Variants in ATP8A2 observed in about 807,000 individuals in gnomAD.
The protein encoded by ATP8A2 is ATPase phospholipid transporting 8A2.
A neutral mutation model predicts 165.6 loss-of-function variants in ATP8A2; 100 were observed. The ratio of observed to expected loss-of-function variants is 0.60; its 90% CI spans 0.51 to 0.71. The LOEUF is 0.71. Among genes scored for constraint, ATP8A2 ranks in the 30% least tolerant of loss-of-function variants. The pLI, the probability that ATP8A2 is intolerant of heterozygous loss-of-function variation, is 0.00. For synonymous variants in ATP8A2, 543 were observed against 548.8 expected (o/e 0.99, Z 0.15); for missense variants, 1,227 against 1,479.5 (o/e 0.83, Z 2.80).
chr13:25,945,655 G>T (rs566140944), intron 33 of ATP8A2, among the ~76,000 whole-genome samples: 1 of 152,204 alleles, frequency 6.6e-6, no homozygotes, highest in Non-Finnish European at 1.5e-5. Context: ...AAGAATCCCT[G>T]TGGGGGTGCA....
chr13:25,910,866 T>C (rs1312952039), intron 33 of ATP8A2, among the ~76,000 whole-genome samples: 1 of 152,174 alleles, frequency 6.6e-6, no homozygotes, highest in Non-Finnish European at 1.5e-5. Context: ...TAATTCATGT[T>C]AAGTCCGCCT....
At chr13:25,531,161 ATATATGT>A in intron 4 of ATP8A2, among the ~76,000 whole-genome samples, 1 of 141,670 alleles carries the variant, frequency 7.1e-6, no homozygotes, top group African/African-American at 2.6e-5. Flanking sequence ...TATATATGAT[ATATATGT>A]TATATGATAT....
intron 5 of ATP8A2, among the ~76,000 whole-genome samples, chr13:25,532,937 A>C (rs1001385425): frequency 2.0e-5 from 3 of 152,130 alleles, no homozygotes; most frequent in Non-Finnish European, 4.4e-5. Context: ...AAGTGTTAGG[A>C]TTACAGGTAT....
At chr13:25,404,580 G>A (rs929600959) in intron 1 of ATP8A2, among the ~76,000 whole-genome samples, 1 of 152,140 alleles carries the variant, frequency 6.6e-6, no homozygotes, top group Non-Finnish European at 1.5e-5. Flanking sequence ...CAGTGGATGT[G>A]CATCTGAGAA....
At chr13:25,546,692 A>T (rs575725416) in intron 10 of ATP8A2, among the ~76,000 whole-genome samples, 1 of 152,354 alleles carries the variant, frequency 6.6e-6, no homozygotes, top group South Asian at 2.1e-4. Context: ...ACAACAAATC[A>T]TGCACTATTT....
intron 23 of ATP8A2, among the ~76,000 whole-genome samples, chr13:25,588,832 G>A (rs1381812385): frequency 2.0e-5 from 3 of 152,124 alleles, no homozygotes; most frequent in Non-Finnish European, 4.4e-5. Flanking sequence ...GTGCCCTGGC[G>A]GACACCTCTG....
chr13:25,564,941 T>A (rs112113970), intron 16 of ATP8A2, among the ~76,000 whole-genome samples: 6,807 of 152,074 alleles, frequency 0.045, 374 homozygotes, highest in African/African-American at 0.12. Context: ...GCTCCCACAT[T>A]TCAGTGAGAA....
At chr13:25,503,991 T>G (rs1005293305) in intron 2 of ATP8A2, among the ~76,000 whole-genome samples, 5 of 152,226 alleles carry the variant, frequency 3.3e-5, no homozygotes, top group African/African-American at 9.6e-5. Flanking sequence ...CACTGTGAAG[T>G]AACATTCTAT....
At chr13:25,945,507 G>T (rs530779238) in intron 33 of ATP8A2, among the ~76,000 whole-genome samples, 1 of 152,046 alleles carries the variant, frequency 6.6e-6, no homozygotes, top group Non-Finnish European at 1.5e-5. Flanking sequence ...ATTTTCACTG[G>T]GTTATCATAA....
intron 10 of ATP8A2, among the ~76,000 whole-genome samples, chr13:25,547,125 G>T (rs933087952): frequency 5.9e-5 from 9 of 151,728 alleles, no homozygotes; most frequent in African/African-American, 2.2e-4. Context: ...GCCAGGCTCC[G>T]TCTCGAAATA....
At chr13:25,739,444 T>G (rs2043859275) in intron 25 of ATP8A2, among the ~76,000 whole-genome samples, 1 of 152,242 alleles carries the variant, frequency 6.6e-6, no homozygotes, top group African/African-American at 2.4e-5. Flanking sequence ...TGCTTATGTA[T>G]AACTAAGTCA....
At chr13:25,905,354 GATCT>G in intron 33 of ATP8A2, among the ~76,000 whole-genome samples, 1 of 152,064 alleles carries the variant, frequency 6.6e-6, no homozygotes, top group East Asian at 1.9e-4. Flanking sequence ...CTATTATCCT[GATCT>G]ATCACTTCTT....
intron 2 of ATP8A2, among the ~76,000 whole-genome samples, chr13:25,481,155 G>T (rs2036183786): frequency 6.7e-6 from 1 of 149,484 alleles, no homozygotes. Context: ...GGAAAGAGAG[G>T]GAGAGGGAGA....
chr13:25,569,702 T>G (rs1330623438), intron 16 of ATP8A2, among the ~76,000 whole-genome samples: 2 of 152,184 alleles, frequency 1.3e-5, no homozygotes, highest in Non-Finnish European at 2.9e-5. Context: ...AAACCTAGGA[T>G]AGTCAACTGC....
chr13:25,699,241 GGC>G lies in ATP8A2; in HGVS notation c.2281_2282del (p.Ala761ProfsTer42). ...ATTTGCTGGGCAAGGAAAATGACGTGGCCCTGATCATCGATGGCCACACCCTG... is the reference window on the plus strand; with the variant it reads ...ATTTGCTGGGCAAGGAAAATGACGTGCCTGATCATCGATGGCCACACCCTG... ...GNLLGKENDV[A>X]LIIDGHTLKY... is the part of the protein sequence containing the mutation. On this transcript the variant is annotated frameshift_variant, in exon 25 of 37. Coordinates refer to ENST00000381655, the MANE Select transcript of ATP8A2 (RefSeq NM_016529.6). LOFTEE classifies it high-confidence loss of function. 6.2e-7 allele frequency: 1 copy of G among 1,613,600 alleles called. No homozygotes were observed. The highest frequency in any genetic ancestry group is 8.5e-7 in the Non-Finnish European group (1 of 1,179,710).
intron 33 of ATP8A2, among the ~76,000 whole-genome samples, chr13:25,871,987 A>G (rs1566223662): frequency 6.6e-6 from 1 of 150,488 alleles, no homozygotes; most frequent in South Asian, 2.1e-4. Context: ...GAGCAAAGAC[A>G]TCTCTCATGC....
chr13:25,558,932 C>G lies in ATP8A2; in HGVS notation c.1264-41C>G, dbSNP rs558369791. On this transcript the variant is annotated intron_variant, in intron 13 of 36. Coordinates refer to ENST00000381655, the MANE Select transcript of ATP8A2 (RefSeq NM_016529.6). ...ACTTCATTTGTTGATCTTTGCATCT[C>G]AATACTTCCTGATGTATATTTCTTT... 23 of 1,365,818 alleles carry G rather than the reference C, an allele frequency of 1.7e-5. No homozygotes were observed. The Middle Eastern group carries it at 7.3e-4, about 43-fold the overall frequency. 84.6% of individuals were successfully genotyped at this position (1,365,818 alleles called of 1,614,324 possible). A position where few individuals can be genotyped will look rare whatever the true frequency, so the allele number is the denominator to read the frequency against.
At chr13:25,642,864 C>T (rs1010489704) in intron 24 of ATP8A2, among the ~76,000 whole-genome samples, 67 of 152,116 alleles carry the variant, frequency 4.4e-4, no homozygotes, top group African/African-American at 1.3e-3. Flanking sequence ...ACATGCACAC[C>T]GTGGAATACT....
chr13:25,403,849 T>C (rs1056002829), intron 1 of ATP8A2, among the ~76,000 whole-genome samples: 3 of 152,196 alleles, frequency 2.0e-5, no homozygotes, highest in Non-Finnish European at 4.4e-5. Flanking sequence ...GAAAATCCAA[T>C]GCAGATAGTT....
Sources: gnomAD v4.1 joint callset for allele counts (sites outside exome capture counted in the v4.1 genomes callset) on GRCh38, gnomAD v4.1.1 for gene constraint, MANE v1.5 for transcripts, NCBI Gene and HGNC (gene_info 2026-07-23, HGNC 2026-07-21) for gene names.